Variants in PCDHGA5 observed in about 807,000 individuals in gnomAD.
The protein encoded by PCDHGA5 is protocadherin gamma-A5.
In PCDHGA5, 36 loss-of-function variants were observed where a neutral mutation model predicts 56.7. The observed-to-expected ratio is 0.64, with a 90% confidence interval of 0.49 to 0.84. The LOEUF (loss-of-function observed/expected upper bound fraction) is 0.84, where lower values mean the gene tolerates loss of function less well. Among genes scored for constraint, PCDHGA5 ranks in the 40% least tolerant of loss-of-function variants. The probability of loss-of-function intolerance (pLI) is 0.00; values close to 1 mark genes in which losing one functional copy is unlikely to be tolerated. For synonymous variants in PCDHGA5, 563 were observed against 520.2 expected (o/e 1.08, Z -1.12); for missense variants, 1,305 against 1,201.5 (o/e 1.09, Z -1.27).
At chr5:141,472,980 C>CAA (rs60579131) in intron 1 of PCDHGA5, among the ~76,000 whole-genome samples, 188 of 86,094 alleles carry the variant, frequency 2.2e-3, no homozygotes, top group Non-Finnish European at 3.2e-3. Flanking sequence ...GAGTGAAACT[C>CAA]AAAAAAAAAA....
rs200790843 is a variant in PCDHGA5 at position 141,432,196 on chromosome 5, C to A, written c.2422-62611C>A. ...TCGTCTCTGTGACCGCCCACGACCCCGACTGTGAAGAGAACGCCCAGATCA... is the reference window on the plus strand; with the variant it reads ...TCGTCTCTGTGACCGCCCACGACCCAGACTGTGAAGAGAACGCCCAGATCA... On this transcript the variant is annotated intron_variant, in intron 1 of 3. Coordinates refer to ENST00000518069, the MANE Select transcript of PCDHGA5 (RefSeq NM_018918.3). This position sits in a 1 kb window ranked among gnomAD's most constrained non-coding sequence, Gnocchi z 6.0. The A allele has an allele frequency of 6.2e-7, 1 of 1,614,192 alleles. No homozygotes were observed.
chr5:141,422,842 G>A (rs756990417), intron 1 of PCDHGA5: 5 of 1,614,228 alleles, frequency 3.1e-6, no homozygotes, highest in South Asian at 1.1e-5. Flanking sequence ...ACGTGACAGC[G>A]GGGACCCGCC....
Position 141,393,949 on chromosome 5 carries a change from A to G in PCDHGA5, c.2421+27198A>G, listed in dbSNP as rs370166968. 2.5e-6 allele frequency: 4 copies of G among 1,613,874 alleles called. No individual in the cohort carries two copies. The highest frequency in any genetic ancestry group is 3.4e-6 in the Non-Finnish European group (4 of 1,179,890). Reference sequence around the variant, plus strand: ...GTGCATGACCAAGACTCTGGAAAGAATGGTCAAGTTGTCTGTTACACACGT... The same window carrying G: ...GTGCATGACCAAGACTCTGGAAAGAGTGGTCAAGTTGTCTGTTACACACGT... On this transcript the variant is annotated intron_variant, in intron 1 of 3. Coordinates refer to ENST00000518069, the MANE Select transcript of PCDHGA5 (RefSeq NM_018918.3).
chr5:141,489,225 A>G lies in PCDHGA5; in HGVS notation c.2422-5582A>G. 3 of 1,518,230 alleles carry G rather than the reference A, an allele frequency of 2.0e-6. No individual in the cohort carries two copies. Among genetic ancestry groups the G allele is most frequent in the East Asian group, 2.3e-5 (1 of 44,234 alleles). 94.0% of individuals were successfully genotyped at this position (1,518,230 alleles called of 1,614,324 possible). On this transcript the variant is annotated intron_variant, in intron 1 of 3. Coordinates refer to ENST00000518069, the MANE Select transcript of PCDHGA5 (RefSeq NM_018918.3). The surrounding 1 kb of genome is among the most constrained non-coding windows in gnomAD (Gnocchi z 4.5). ...GGACAGCACAGACTTACTCTCCACA[A>G]AGGGACTTCTGGGTCATGGGGCCCA...
At chr5:141,459,490 T>C (rs2098968649) in intron 1 of PCDHGA5, among the ~76,000 whole-genome samples, 1 of 152,236 alleles carries the variant, frequency 6.6e-6, no homozygotes, top group Non-Finnish European at 1.5e-5. Context: ...TATTCTGAAT[T>C]AAAGTGATGT....
intron 1 of PCDHGA5, among the ~76,000 whole-genome samples, chr5:141,464,901 G>A (rs1562002452): frequency 6.6e-6 from 1 of 151,916 alleles, no homozygotes; most frequent in Non-Finnish European, 1.5e-5. Context: ...ACCATGTCCA[G>A]CTAATTTTTT....
rs2099694486 is a variant in PCDHGA5 at position 141,489,987 on chromosome 5, G to A, written c.2422-4820G>A. The A allele has an allele frequency of 1.2e-6, 2 of 1,614,106 alleles. No homozygotes were observed. The highest frequency in any genetic ancestry group is 1.3e-5 in the African/African-American group (1 of 74,932). The stretch of plus-strand genomic sequence containing the variant: ...CCTTCCAATCCTCAGTTCTACGTGT[G>A]GGAATCCCAGAGAATGCACCCATTG... On this transcript the variant is annotated intron_variant, in intron 1 of 3. Coordinates refer to ENST00000518069, the MANE Select transcript of PCDHGA5 (RefSeq NM_018918.3). The surrounding 1 kb of genome is among the most constrained non-coding windows in gnomAD (Gnocchi z 4.5).
intron 1 of PCDHGA5, chr5:141,370,753 C>G: frequency 6.2e-7 from 1 of 1,613,950 alleles, no homozygotes; most frequent in Non-Finnish European, 8.5e-7. Flanking sequence ...TTTCATGTAA[C>G]TGTGCTGATC....
In PCDHGA5 at chr5:141,511,035, C is replaced by T. The variant is rs373005862; in HGVS notation, c.2658C>T (p.His886=). Residue 886 remains histidine (H), a synonymous_variant, in exon 4 of 4, where the codon CAC becomes CAT. Transcript: ENST00000518069. ...ACGGACCCCAGTTCACCCTGCAGCA[C>T]GTGCCCGACTACCGCCAGAATGTCT... ...ARYGPQFTLQ[H]VPDYRQNVYI... The T allele has an allele frequency of 1.7e-5, 27 of 1,614,208 alleles. No individual in the cohort carries two copies. The African/African-American group carries it at 2.9e-4, about 18-fold the overall frequency.
chr5:141,387,177 T>C (rs989484840), intron 1 of PCDHGA5, among the ~76,000 whole-genome samples: 2 of 152,184 alleles, frequency 1.3e-5, no homozygotes, highest in Non-Finnish European at 2.9e-5. Context: ...AATTGCACCT[T>C]CTAAAAGGCA....
chr5:141,366,824 C>A, intron 1 of PCDHGA5, 73 bp downstream of exon 1: 1 of 1,535,428 alleles, frequency 6.5e-7, no homozygotes, highest in Non-Finnish European at 8.8e-7. Context: ...CTGTCATATT[C>A]AGAATCAGCT....
chr5:141,397,168 T>C (rs997043690), intron 1 of PCDHGA5, among the ~76,000 whole-genome samples: 3 of 152,202 alleles, frequency 2.0e-5, no homozygotes, highest in Non-Finnish European at 4.4e-5. Context: ...CCAATAACTC[T>C]TAAGAATGAA....
At chr5:141,496,693 C>T (rs2099770546) in intron 2 of PCDHGA5, among the ~76,000 whole-genome samples, 1 of 152,164 alleles carries the variant, frequency 6.6e-6, no homozygotes, top group South Asian at 2.1e-4. Context: ...CCTTGCCAAC[C>T]TTCTCATAAG....
At chr5:141,455,552 G>T (rs897699654) in intron 1 of PCDHGA5, among the ~76,000 whole-genome samples, 1 of 152,144 alleles carries the variant, frequency 6.6e-6, no homozygotes, top group African/African-American at 2.4e-5. Flanking sequence ...CGTAGCCCGA[G>T]AAAAAGCTGG....
Position 141,485,585 on chromosome 5 carries a change from C to G in PCDHGA5, c.2422-9222C>G, listed in dbSNP as rs373987810. The G allele has an allele frequency of 7.4e-6, 12 of 1,612,204 alleles. No individual in the cohort carries two copies. The highest frequency in any genetic ancestry group is 1.0e-5 in the Non-Finnish European group (12 of 1,178,590). On this transcript the variant is annotated intron_variant, in intron 1 of 3. Transcript: ENST00000518069. The surrounding 1 kb of genome is among the most constrained non-coding windows in gnomAD (Gnocchi z 5.7). ...CGCCCCCCGTTTTCCGCGGCAGCAG[C>G]TGGACTTGGAAATTGGGGAGGCAGC...
At chr5:141,411,890 G>T (rs2095521758) in intron 1 of PCDHGA5, 1 of 152,148 alleles carries the variant, frequency 6.6e-6, no homozygotes, top group South Asian at 2.1e-4. Context: ...AGAAATAAAT[G>T]AAATACTATT....
chr5:141,497,210 G>T (rs988856908), intron 2 of PCDHGA5, among the ~76,000 whole-genome samples: 1 of 28,140 alleles, frequency 3.6e-5, no homozygotes, highest in African/African-American at 1.1e-3. Context: ...TGAGTGTAAT[G>T]GGGGGGGGAA....
chr5:141,413,054 A>G (rs2095600698), intron 1 of PCDHGA5: 1 of 981,614 alleles, frequency 1.0e-6, no homozygotes, highest in African/African-American at 1.6e-5. Flanking sequence ...AGGGAAGCTC[A>G]CTCCAGAATT....
chr5:141,393,382 T>C (rs778957877), intron 1 of PCDHGA5: 7 of 1,613,948 alleles, frequency 4.3e-6, no homozygotes, highest in Non-Finnish European at 5.9e-6. Flanking sequence ...AATGGAGCCA[T>C]AAACCCAGAG....
Sources: allele counts gnomAD v4.1 joint callset (sites outside exome capture counted in the v4.1 genomes callset), GRCh38; gene constraint gnomAD v4.1.1; non-coding constraint Gnocchi (gnomAD v3.1); transcripts MANE v1.5; gene names NCBI Gene and HGNC (gene_info 2026-07-23, HGNC 2026-07-21).